ARHGAP8: variants seen among roughly 807,000 people sequenced by gnomAD.
The protein encoded by ARHGAP8 is Rho GTPase activating protein 8.
A neutral mutation model predicts 46.1 loss-of-function variants in ARHGAP8; 62 were observed. The ratio of observed to expected loss-of-function variants is 1.34; its 90% CI spans 1.10 to 1.66. ARHGAP8 has a LOEUF of 1.66. Ranked by LOEUF, ARHGAP8 falls within the 40% of genes most tolerant of loss-of-function variation. The pLI is 0.00. For synonymous variants in ARHGAP8, 375 were observed against 243.1 expected, an observed-to-expected ratio of 1.54 and a Z score of -5.05; for missense variants, 923 against 568.4, an observed-to-expected ratio of 1.62 and a Z score of -6.34.
chr22:44,829,502 T>A (rs1930790089), intron 7 of ARHGAP8, among the ~76,000 whole-genome samples: 1 of 152,154 alleles, frequency 6.6e-6, no homozygotes, highest in African/African-American at 2.4e-5. Flanking sequence ...ACTGTCACTT[T>A]GCCATAGTCC....
intron 10 of ARHGAP8, among the ~76,000 whole-genome samples, chr22:44,857,363 G>A (rs1000231199): frequency 6.6e-6 from 1 of 152,204 alleles, no homozygotes; most frequent in Non-Finnish European, 1.5e-5. Flanking sequence ...ACTGCAGGGA[G>A]GGTCAAAATC....
intron 10 of ARHGAP8, among the ~76,000 whole-genome samples, chr22:44,855,539 A>T (rs538016929): frequency 1.2e-4 from 18 of 152,358 alleles, no homozygotes; most frequent in Admixed American, 3.9e-4. Flanking sequence ...GAAAGTTGTT[A>T]TCAGTATTTC....
At chr22:44,776,807 G>C (rs565668712) in intron 1 of ARHGAP8, among the ~76,000 whole-genome samples, 1 of 152,064 alleles carries the variant, frequency 6.6e-6, no homozygotes, top group Non-Finnish European at 1.5e-5. Context: ...CGGGGGTAGG[G>C]GTGCATGGGA....
intron 1 of ARHGAP8, among the ~76,000 whole-genome samples, chr22:44,784,786 G>A (rs1482557256): frequency 6.6e-6 from 1 of 152,218 alleles, no homozygotes; most frequent in Non-Finnish European, 1.5e-5. Flanking sequence ...TCTGCCCGAC[G>A]CAGGGGCTTT....
intron 2 of ARHGAP8, among the ~76,000 whole-genome samples, chr22:44,795,432 G>A (rs1048081677): frequency 6.6e-6 from 1 of 152,060 alleles, no homozygotes; most frequent in Admixed American, 6.5e-5. Flanking sequence ...TCTCAGGTGG[G>A]AATTCATCAT....
At chr22:44,840,015 G>A (rs1399720345) in intron 7 of ARHGAP8, among the ~76,000 whole-genome samples, 1 of 152,188 alleles carries the variant, frequency 6.6e-6, no homozygotes, top group Non-Finnish European at 1.5e-5. Flanking sequence ...GCACCTGCCC[G>A]CAGTGTCCCC....
chr22:44,804,926 A>G (rs1928829357), intron 3 of ARHGAP8, among the ~76,000 whole-genome samples: 1 of 152,188 alleles, frequency 6.6e-6, no homozygotes, highest in Non-Finnish European at 1.5e-5. Context: ...CTGCTGCTGC[A>G]CGGCGAGACC....
At chr22:44,838,493 G>A (rs1038151652) in intron 7 of ARHGAP8, among the ~76,000 whole-genome samples, 13 of 151,882 alleles carry the variant, frequency 8.6e-5, no homozygotes, top group South Asian at 4.2e-4. Context: ...AGGCTGGTCC[G>A]GAATTCCTGA....
At chr22:44,781,317 G>C (rs1004636753) in intron 1 of ARHGAP8, among the ~76,000 whole-genome samples, 1 of 151,972 alleles carries the variant, frequency 6.6e-6, no homozygotes, top group Non-Finnish European at 1.5e-5. Flanking sequence ...GGCTTGCAGC[G>C]ATAGGAACCC....
chr22:44,838,627 C>G (rs540191358), intron 7 of ARHGAP8, among the ~76,000 whole-genome samples: 1 of 152,162 alleles, frequency 6.6e-6, no homozygotes, highest in African/African-American at 2.4e-5. Context: ...GCAAAGGGGT[C>G]TTTCAGGAAC....
intron 2 of ARHGAP8, among the ~76,000 whole-genome samples, chr22:44,791,216 G>A (rs1259557407): frequency 1.3e-5 from 2 of 152,098 alleles, no homozygotes; most frequent in African/African-American, 4.8e-5. Context: ...GTCTACTGTG[G>A]TCCTTCCGTG....
intron 1 of ARHGAP8, among the ~76,000 whole-genome samples, chr22:44,783,259 C>T (rs1418422227): frequency 1.3e-5 from 2 of 152,194 alleles, no homozygotes; most frequent in Non-Finnish European, 2.9e-5. Flanking sequence ...TGGAGGCCCT[C>T]CCCTGCCTGC....
chr22:44,768,230 C>T (rs1925734596), intron 1 of ARHGAP8, among the ~76,000 whole-genome samples: 1 of 151,720 alleles, frequency 6.6e-6, no homozygotes. Flanking sequence ...CTCCTGACCT[C>T]GTGATCCACC....
intron 2 of ARHGAP8, among the ~76,000 whole-genome samples, chr22:44,787,655 T>G (rs1927356794): frequency 6.6e-6 from 1 of 152,098 alleles, no homozygotes; most frequent in African/African-American, 2.4e-5. Flanking sequence ...TTGCATTGCT[T>G]TAATTTAGGT....
chr22:44,858,680 G>GT (rs1246251364), intron 10 of ARHGAP8, among the ~76,000 whole-genome samples: 2 of 151,316 alleles, frequency 1.3e-5, no homozygotes, highest in Non-Finnish European at 2.9e-5. Context: ...TGGTTGGTGG[G>GT]TTTTGACTGG....
At chr22:44,757,364 G>A (rs763176585) in intron 1 of ARHGAP8, among the ~76,000 whole-genome samples, 24 of 151,374 alleles carry the variant, frequency 1.6e-4, no homozygotes, top group Admixed American at 2.6e-4. Context: ...TGCAACCTCC[G>A]CGTCCCGGGT....
At chr22:44,815,928 C>T (rs1929706908) in intron 5 of ARHGAP8, among the ~76,000 whole-genome samples, 1 of 152,050 alleles carries the variant, frequency 6.6e-6, no homozygotes, top group African/African-American at 2.4e-5. Flanking sequence ...GTTCTGCAGG[C>T]GAGGGAGGGG....
chr22:44,788,794 C>T (rs1014534376), intron 2 of ARHGAP8, among the ~76,000 whole-genome samples: 1 of 152,182 alleles, frequency 6.6e-6, no homozygotes, highest in Non-Finnish European at 1.5e-5. Flanking sequence ...AAAGATAAAG[C>T]TCTTCGAAGT....
intron 11 of ARHGAP8, among the ~76,000 whole-genome samples, chr22:44,861,228 T>C (rs762590846): frequency 5.9e-5 from 9 of 152,142 alleles, no homozygotes; most frequent in Admixed American, 5.9e-4. Context: ...TGCCTCGGCC[T>C]CTTAAGAGTG....
Sources: gnomAD v4.1 joint callset for allele counts (sites outside exome capture counted in the v4.1 genomes callset) on GRCh38, gnomAD v4.1.1 for gene constraint, MANE v1.5 for transcripts, NCBI Gene and HGNC (gene_info 2026-07-23, HGNC 2026-07-21) for gene names.